The following NFATC1 variants were observed in gnomAD, a reference collection of about 807,000 sequenced individuals.
The protein encoded by NFATC1 is nuclear factor of activated T-cells, cytoplasmic 1.
A neutral mutation model predicts 76.0 loss-of-function variants in NFATC1; 22 were observed. The ratio of observed to expected loss-of-function variants is 0.29; its 90% CI spans 0.21 to 0.41. NFATC1 has a LOEUF of 0.41. NFATC1 is among the 10% of genes least tolerant of loss of function. The probability of loss-of-function intolerance (pLI) is 1.00; values close to 1 mark genes in which losing one functional copy is unlikely to be tolerated. For missense variants in NFATC1, 1,357 were observed against 1,337.7 expected (o/e 1.01, Z -0.23); for synonymous variants, 704 against 613.1 (o/e 1.15, Z -2.19).
chr18:79,516,531 C>G (rs2090389059), intron 9 of NFATC1, among the ~76,000 whole-genome samples: 1 of 152,174 alleles, frequency 6.6e-6, no homozygotes, highest in African/African-American at 2.4e-5. Context: ...CTTGTTCTTA[C>G]CCCGTTTCTC....
chr18:79,407,175 G>C (rs1340240775), intron 1 of NFATC1, among the ~76,000 whole-genome samples: 1 of 152,252 alleles, frequency 6.6e-6, no homozygotes, highest in Admixed American at 6.5e-5. Flanking sequence ...TTTTTAGAAA[G>C]TTGGTCACAG....
chr18:79,486,369 C>T lies in NFATC1; in HGVS notation c.2214C>T (p.Pro738=), dbSNP rs529273743. 73 of 1,613,070 alleles carry T rather than the reference C, an allele frequency of 4.5e-5. No homozygotes were observed. In the Admixed American group the frequency reaches 6.7e-4, roughly 15 times the overall value. The change falls in exon 9 of 10, where the codon CCC becomes CCT. Residue 738 remains proline (P), a synonymous_variant. Transcript: ENST00000427363. Reference sequence around the variant, plus strand: ...ACAGCCAGCAGCTCGCGATGCCACCCGACCCCAGCTCCTGCCTCGTGGCCG... The same window carrying T: ...ACAGCCAGCAGCTCGCGATGCCACCTGACCCCAGCTCCTGCCTCGTGGCCG... ...PYYSQQLAMP[P]DPSSCLVAGF... is the part of the protein sequence containing the mutation.
Position 79,465,880 on chromosome 18 carries a change from C to T in NFATC1, c.1960-1570C>T, listed in dbSNP as rs1055017581. Among the ~76,000 whole-genome samples, 2 of 152,244 alleles carry T rather than the reference C, an allele frequency of 1.3e-5. No homozygotes were observed. The highest frequency in any genetic ancestry group is 2.9e-5 in the Non-Finnish European group (2 of 68,044). On this transcript the variant is annotated intron_variant, in intron 7 of 9. Transcript: ENST00000427363. The surrounding 1 kb of genome is among the most constrained non-coding windows in gnomAD (Gnocchi z 4.2). ...CAGACCCACAGTGCTCTGGGGGCAG[C>T]CCAGGCCCCGCCCACTGACAGCACT... is the stretch of plus-strand genomic sequence containing the variant.
At chr18:79,504,404 G>A (rs2090079235) in intron 9 of NFATC1, among the ~76,000 whole-genome samples, 1 of 152,198 alleles carries the variant, frequency 6.6e-6, no homozygotes, top group African/African-American at 2.4e-5. Flanking sequence ...AGCCCAGGGA[G>A]AGAGATAGAG....
intron 3 of NFATC1, among the ~76,000 whole-genome samples, chr18:79,440,752 C>T (rs1017372718): frequency 3.9e-5 from 6 of 152,234 alleles, no homozygotes; most frequent in Non-Finnish European, 8.8e-5. Context: ...TGAACAGCTC[C>T]GGAGTGCAGG....
chr18:79,444,479 C>T (rs1225054952), intron 3 of NFATC1, among the ~76,000 whole-genome samples: 1 of 115,484 alleles, frequency 8.7e-6, no homozygotes, highest in Non-Finnish European at 1.7e-5. Context: ...CCCCCGCCTA[C>T]CCCGAGCCCT....
intron 9 of NFATC1, 83 bp from the exon 10 acceptor site, chr18:79,527,445 C>T (rs529249612): frequency 7.5e-5 from 86 of 1,139,392 alleles, no homozygotes; most frequent in South Asian, 3.9e-4. Flanking sequence ...GTGAGCGTCA[C>T]TGATGGAGAA....
intron 3 of NFATC1, among the ~76,000 whole-genome samples, chr18:79,435,352 G>GTTTGTT (rs1555905861): frequency 5.4e-5 from 6 of 111,384 alleles, no homozygotes; most frequent in Non-Finnish European, 9.6e-5. Context: ...TGGTTTGTTT[G>GTTTGTT]TTTTTTTTTT....
chr18:79,419,780 G>C (rs2086007843), intron 2 of NFATC1, among the ~76,000 whole-genome samples: 1 of 152,214 alleles, frequency 6.6e-6, no homozygotes, highest in Non-Finnish European at 1.5e-5. Flanking sequence ...GGGATAGGTG[G>C]GCCTGGTGGT....
chr18:79,486,775 C>G lies in NFATC1; in HGVS notation c.2620C>G (p.Arg874Gly). The G allele has an allele frequency of 6.2e-7, 1 of 1,607,690 alleles. No homozygotes were observed. Reference sequence around the variant, plus strand: ...CCCAGCGTGCCCGCCCGCCACGGGCCGCCCGCAGCACCTGCCGTCCACGGT... The same window carrying G: ...CCCAGCGTGCCCGCCCGCCACGGGCGGCCCGCAGCACCTGCCGTCCACGGT... ...CSPACPPATG[R>G]PQHLPSTVRR... Residue 874 changes from arginine to glycine, a missense_variant, in exon 9 of 10, where the codon CGC becomes GGC. Physicochemically the swap from Arg to Gly is moderately radical, Grantham distance 125 (BLOSUM62 -2). This residue lies in a region of NFATC1 where 424 missense variants were observed against 395.4 expected (regional missense o/e 1.07). Coordinates refer to ENST00000427363, the MANE Select transcript of NFATC1 (RefSeq NM_001278669.2).
intron 7 of NFATC1, among the ~76,000 whole-genome samples, chr18:79,466,298 T>C (rs935286603): frequency 2.0e-5 from 3 of 152,248 alleles, no homozygotes; most frequent in Admixed American, 6.5e-5. Flanking sequence ...AGTAATACAA[T>C]GGATTTTTCT....
chr18:79,460,292 A>G (rs2144857491), intron 6 of NFATC1, among the ~76,000 whole-genome samples: 1 of 152,394 alleles, frequency 6.6e-6, no homozygotes, highest in Non-Finnish European at 1.5e-5. Flanking sequence ...GACAGAGCAT[A>G]AGGATAAACT....
chr18:79,464,714 T>TTTA (rs2088376698), intron 7 of NFATC1, among the ~76,000 whole-genome samples: 1 of 83,804 alleles, frequency 1.2e-5, no homozygotes, highest in Non-Finnish European at 2.5e-5. Flanking sequence ...TTATTTATTT[T>TTTA]TTTTTTTTTG....
chr18:79,519,925 G>A (rs1434031443), intron 9 of NFATC1, among the ~76,000 whole-genome samples: 1 of 152,214 alleles, frequency 6.6e-6, no homozygotes, highest in Non-Finnish European at 1.5e-5. Context: ...GGAGTCGGAA[G>A]TAGGACAGTT....
chr18:79,481,715 G>A (rs117246954), intron 8 of NFATC1, among the ~76,000 whole-genome samples: 2,431 of 152,376 alleles, frequency 0.016, 32 homozygotes, highest in Non-Finnish European at 0.025. Context: ...GTCTTCAGAT[G>A]GGGCCCAGTG....
intron 4 of NFATC1, among the ~76,000 whole-genome samples, chr18:79,449,233 G>A (rs1462566717): frequency 1.3e-5 from 2 of 152,196 alleles, no homozygotes; most frequent in Non-Finnish European, 2.9e-5. Context: ...ACCTCCCTCT[G>A]CATTTAGCTT....
At chr18:79,522,886 C>T (rs1483934031) in intron 9 of NFATC1, among the ~76,000 whole-genome samples, 1 of 152,218 alleles carries the variant, frequency 6.6e-6, no homozygotes, top group Non-Finnish European at 1.5e-5. Context: ...ACACATCTAA[C>T]ACTGTGGCTT....
At chr18:79,440,153 C>T (rs1040693631) in intron 3 of NFATC1, among the ~76,000 whole-genome samples, 2 of 152,174 alleles carry the variant, frequency 1.3e-5, no homozygotes, top group Admixed American at 1.3e-4. Context: ...TGTCCCCAAG[C>T]CCAGATCCTC....
At chr18:79,483,427 G>A in intron 8 of NFATC1, among the ~76,000 whole-genome samples, 1 of 129,432 alleles carries the variant, frequency 7.7e-6, no homozygotes, top group South Asian at 2.5e-4. Context: ...TGTCATTCCG[G>A]CGTGACCTGG....
Sources: gnomAD v4.1 joint callset for allele counts (sites outside exome capture counted in the v4.1 genomes callset) on GRCh38, gnomAD v4.1.1 for gene constraint, gnomAD v4.1.1 regional missense constraint, Gnocchi (gnomAD v3.1) non-coding constraint, MANE v1.5 for transcripts, NCBI Gene and HGNC (gene_info 2026-07-23, HGNC 2026-07-21) for gene names.